The following SLC2A9 variants were observed in gnomAD, a reference collection of about 807,000 sequenced individuals.
SLC2A9 encodes the protein solute carrier family 2, facilitated glucose transporter member 9.
A neutral mutation model predicts 50.6 loss-of-function variants in SLC2A9; 39 were observed. That is an observed-to-expected ratio of 0.77 (90% CI 0.60 to 1.01). The LOEUF is 1.01. SLC2A9 is among the 50% of genes least tolerant of loss of function. The pLI is 0.00. For synonymous variants in SLC2A9, 324 were observed against 276.9 expected (o/e 1.17, Z -1.69); for missense variants, 686 against 677.6 (o/e 1.01, Z -0.14).
chr4:9,844,667 C>T (rs760166772), intron 10 of SLC2A9, among the ~76,000 whole-genome samples: 20 of 152,244 alleles, frequency 1.3e-4, no homozygotes, highest in African/African-American at 4.8e-4. Flanking sequence ...AACAACCAAG[C>T]TGTCTTGTGG....
chr4:9,797,857 T>C (rs1347612064), downstream of SLC2A9, among the ~76,000 whole-genome samples: 1 of 152,160 alleles, frequency 6.6e-6, no homozygotes, highest in Non-Finnish European at 1.5e-5. Context: ...GTGGTGCACA[T>C]GATCCTACAA....
chr4:9,852,421 T>G (rs1346258277), intron 10 of SLC2A9, among the ~76,000 whole-genome samples: 1 of 150,032 alleles, frequency 6.7e-6, no homozygotes, highest in Non-Finnish European at 1.5e-5. Context: ...CCCGGCTAAT[T>G]TTTTGTATTT....
At chr4:9,884,832 C>T (rs959289625) in intron 10 of SLC2A9, among the ~76,000 whole-genome samples, 5 of 152,174 alleles carry the variant, frequency 3.3e-5, no homozygotes, top group Admixed American at 1.3e-4. Flanking sequence ...CGGAATACTA[C>T]ACAGCCATGA....
At chr4:9,960,165 G>A (rs1265170068) in intron 5 of SLC2A9, among the ~76,000 whole-genome samples, 1 of 152,192 alleles carries the variant, frequency 6.6e-6, no homozygotes, top group Non-Finnish European at 1.5e-5. Flanking sequence ...AGCAACATCT[G>A]TCTCATCCAG....
intron 3 of SLC2A9, among the ~76,000 whole-genome samples, chr4:9,805,916 G>A (rs1722060529): frequency 6.6e-6 from 1 of 152,120 alleles, no homozygotes; most frequent in Non-Finnish European, 1.5e-5. Context: ...CCATTTCACT[G>A]GTGAAGAATG....
chr4:9,778,711 G>T (rs1278771741), downstream of SLC2A9, among the ~76,000 whole-genome samples: 1 of 152,178 alleles, frequency 6.6e-6, no homozygotes, highest in Non-Finnish European at 1.5e-5. Flanking sequence ...CCTCTTTGGA[G>T]CACCGCCCAG....
chr4:9,862,128 G>T (rs951083488), intron 10 of SLC2A9, among the ~76,000 whole-genome samples: 4 of 152,120 alleles, frequency 2.6e-5, no homozygotes, highest in Admixed American at 6.5e-5. Context: ...TTGCCTAAAA[G>T]CAGGACATAG....
chr4:9,850,860 C>T (rs1729781364), intron 10 of SLC2A9, among the ~76,000 whole-genome samples: 2 of 152,100 alleles, frequency 1.3e-5, no homozygotes, highest in South Asian at 4.1e-4. Flanking sequence ...TACATGGGTA[C>T]CCTACCATGC....
chr4:9,798,524 A>AT (rs1392762757), downstream of SLC2A9: 1 of 152,082 alleles, frequency 6.6e-6, no homozygotes, highest in Non-Finnish European at 1.5e-5. Flanking sequence ...CCCACCCCCA[A>AT]TGTCAATCCA....
At chr4:9,809,373 G>T (rs1158411434) in intron 3 of SLC2A9, among the ~76,000 whole-genome samples, 2 of 152,160 alleles carry the variant, frequency 1.3e-5, no homozygotes, top group Non-Finnish European at 2.9e-5. Flanking sequence ...TAGTTAGTGA[G>T]GATTGGAGCG....
intron 10 of SLC2A9, among the ~76,000 whole-genome samples, chr4:9,859,733 G>A (rs2109381423): frequency 6.6e-6 from 1 of 152,286 alleles, no homozygotes; most frequent in East Asian, 1.9e-4. Flanking sequence ...TTTTCCAGGT[G>A]TCTTCCTCCA....
At chr4:9,979,642 A>C (rs1578168519) in intron 5 of SLC2A9, among the ~76,000 whole-genome samples, 1 of 150,764 alleles carries the variant, frequency 6.6e-6, no homozygotes, top group Non-Finnish European at 1.5e-5. Context: ...TCTCCTCCCC[A>C]CCCTTCCCAC....
At chr4:9,857,825 G>T (rs1199179213) in intron 10 of SLC2A9, among the ~76,000 whole-genome samples, 2 of 152,200 alleles carry the variant, frequency 1.3e-5, no homozygotes, top group Middle Eastern at 3.2e-3. Context: ...ACTGGAATCT[G>T]TGTCTTAGGG....
chr4:10,027,789 A>G (rs1402836103), intron 1 of SLC2A9, among the ~76,000 whole-genome samples: 1 of 152,162 alleles, frequency 6.6e-6, no homozygotes, highest in Non-Finnish European at 1.5e-5. Context: ...ACATTTGTAT[A>G]ATGAAAATCA....
downstream of SLC2A9, among the ~76,000 whole-genome samples, chr4:9,775,317 G>A (rs1018056951): frequency 1.3e-5 from 2 of 152,168 alleles, no homozygotes; most frequent in African/African-American, 2.4e-5. Context: ...GCAGCTGCGA[G>A]CCTCCTCATG....
At chr4:9,832,253 G>A (rs1726286216) in intron 11 of SLC2A9, among the ~76,000 whole-genome samples, 1 of 152,128 alleles carries the variant, frequency 6.6e-6, no homozygotes, top group Non-Finnish European at 1.5e-5. Context: ...GTGGGCTGGG[G>A]TTGGGGGATG....
Position 9,920,389 on chromosome 4 carries a change from T to C in SLC2A9, c.998A>G (p.Asn333Ser), listed in dbSNP as rs753482595. 67 of 1,613,954 alleles carry C rather than the reference T, an allele frequency of 4.2e-5. No homozygotes were observed. The highest frequency in any genetic ancestry group is 5.6e-5 in the Non-Finnish European group (66 of 1,180,012). Residue 333 changes from asparagine to serine, a missense_variant, in exon 7 of 12, where the codon AAT becomes AGT. By Grantham distance (46) the Asn-to-Ser change is conservative. Coordinates refer to ENST00000264784, the MANE Select transcript of SLC2A9 (RefSeq NM_020041.3). The part of the protein sequence containing the change: ...TMACYQLCGL[N>S]AIWFYTNSIF... Reference sequence around the variant, plus strand: ...CCACCGGGCCCCAGGACTCACTGCATTGAGGCCACAGAGCTGGTAGCAGGC... The same window carrying C: ...CCACCGGGCCCCAGGACTCACTGCACTGAGGCCACAGAGCTGGTAGCAGGC...
At chr4:9,862,936 G>T (rs1731879825) in intron 10 of SLC2A9, among the ~76,000 whole-genome samples, 1 of 151,968 alleles carries the variant, frequency 6.6e-6, no homozygotes, top group Non-Finnish European at 1.5e-5. Context: ...ATTAACAAAT[G>T]CTCTTGCCTA....
chr4:9,904,983 C>G (rs999217564), intron 8 of SLC2A9, among the ~76,000 whole-genome samples: 2 of 152,208 alleles, frequency 1.3e-5, no homozygotes, highest in African/African-American at 2.4e-5. Context: ...CCCTTCAGCT[C>G]TCAGGTTCCT....
Sources: allele counts gnomAD v4.1 joint callset (sites outside exome capture counted in the v4.1 genomes callset), GRCh38; gene constraint gnomAD v4.1.1; transcripts MANE v1.5; gene names NCBI Gene and HGNC (gene_info 2026-07-23, HGNC 2026-07-21).